EXOSC2: variants seen among roughly 807,000 people sequenced by gnomAD.
EXOSC2 encodes exosome component 2.
Under a neutral mutation model 37.6 loss-of-function variants are expected in EXOSC2, and 29 were observed. The ratio of observed to expected loss-of-function variants is 0.77; its 90% CI spans 0.57 to 1.05. EXOSC2 has a LOEUF of 1.05. Among genes scored for constraint, EXOSC2 ranks in the 50% least tolerant of loss-of-function variants. The pLI is 0.00. For missense variants in EXOSC2, 346 were observed against 365.6 expected, an observed-to-expected ratio of 0.95 and a Z score of 0.44; for synonymous variants, 119 against 131.1, an observed-to-expected ratio of 0.91 and a Z score of 0.63.
At chr9:130,695,903 G>A (rs912367075) in intron 2 of EXOSC2, among the ~76,000 whole-genome samples, 3 of 136,770 alleles carry the variant, frequency 2.2e-5, no homozygotes, top group Admixed American at 8.4e-5. Context: ...CTCTGTTGCC[G>A]AGGCTGGAGT....
chr9:130,700,126 A>G (rs1419317556), intron 5 of EXOSC2, among the ~76,000 whole-genome samples: 2 of 151,882 alleles, frequency 1.3e-5, no homozygotes, highest in East Asian at 1.9e-4. Context: ...CTTGGATTCA[A>G]GCAATTCTGC....
At chr9:130,696,290 G>A (rs781751640) in intron 2 of EXOSC2, among the ~76,000 whole-genome samples, 3 of 152,256 alleles carry the variant, frequency 2.0e-5, no homozygotes, top group Non-Finnish European at 2.9e-5. Flanking sequence ...CAGAGTGAGT[G>A]AGGGGGAGAG....
chr9:130,702,918 T>G, intron 7 of EXOSC2, 135 bp from the exon 8 acceptor site: 1 of 1,047,520 alleles, frequency 9.5e-7, no homozygotes, highest in East Asian at 2.6e-5. Flanking sequence ...TCCCTTGGAA[T>G]TAGCTGTTTG....
chr9:130,695,941 A>G (rs1004726370), intron 2 of EXOSC2, among the ~76,000 whole-genome samples: 4 of 147,940 alleles, frequency 2.7e-5, no homozygotes, highest in East Asian at 2.0e-4. Flanking sequence ...GCTCACTACA[A>G]CCTTCGCCTC....
intron 5 of EXOSC2, among the ~76,000 whole-genome samples, chr9:130,700,362 TTTA>T (rs1283850439): frequency 1.6e-4 from 23 of 148,072 alleles, no homozygotes; most frequent in South Asian, 1.1e-3. Context: ...TATTTATTTA[TTTA>T]TTTATTTTTT....
rs752883972 is a variant in EXOSC2, at chr9:130,697,640, T to A, written c.270+13T>A. The A allele has an allele frequency of 3.0e-5, 48 of 1,613,564 alleles. 1 individual carries two copies. The Admixed American group carries it at 7.8e-4, about 26-fold the overall frequency. ...ACGAATCACAGAGGTAACGTCGATA[T>A]CAGATTGGTGTTTACAAAGTCGAGG... On this transcript the variant is annotated intron_variant, in intron 3 of 8. Transcript: ENST00000372358.
chr9:130,693,773 G>T, upstream of EXOSC2: 1 of 1,596,354 alleles, frequency 6.3e-7, no homozygotes. Context: ...CTGCGCCTGC[G>T]CAACTCATTG....
chr9:130,701,562 G>A, intron 6 of EXOSC2: 1 of 985,654 alleles, frequency 1.0e-6, no homozygotes, highest in Non-Finnish European at 1.2e-6. Context: ...GCTGCAGACA[G>A]CCACGTTGAT....
intron 5 of EXOSC2, 41 bp from the exon 6 acceptor site, chr9:130,700,826 G>C (rs376164395): frequency 6.2e-7 from 1 of 1,602,974 alleles, no homozygotes; most frequent in African/African-American, 1.3e-5. Flanking sequence ...AGGACAGTGT[G>C]TGGCCAAGGC....
At position 130,703,198 on chromosome 9, in the gene EXOSC2, C is replaced by G. The variant is rs901837506; in HGVS notation, c.801+17C>G. ...CCACATCAGGTACTCTCCCCAGGGC[C>G]TCTCCCTTCTTCACTGATCTGTGAG... On this transcript the variant is annotated intron_variant, in intron 8 of 8. Transcript: ENST00000372358. 2 of 1,600,524 alleles carry G rather than the reference C, an allele frequency of 1.2e-6. No individual in the cohort carries two copies. Among genetic ancestry groups the G allele is most frequent in the Non-Finnish European group, 8.5e-7 (1 of 1,170,856 alleles).
intron 1 of EXOSC2, 58 bp from the exon 2 acceptor site, chr9:130,695,434 A>G: frequency 7.0e-7 from 1 of 1,432,928 alleles, no homozygotes; most frequent in South Asian, 1.1e-5. Flanking sequence ...TCTTGAAGGG[A>G]GAGAAGTCAT....
chr9:130,703,250 T>C (rs1471976343), intron 8 of EXOSC2, 69 bp downstream of exon 8: 3 of 1,526,450 alleles, frequency 2.0e-6, no homozygotes, highest in Non-Finnish European at 2.7e-6. Context: ...TCAGAGACAA[T>C]ATGCACATCT....
In EXOSC2 at chr9:130,698,417, C is replaced by T. The variant is rs1588198223; in HGVS notation, c.360+166C>T. 2.0e-5 allele frequency among the ~76,000 whole-genome samples: 3 copies of T among 152,306 alleles called. No homozygotes were observed. On this transcript the variant is annotated intron_variant, in intron 4 of 8. Coordinates refer to ENST00000372358, the MANE Select transcript of EXOSC2 (RefSeq NM_014285.7). The surrounding 1 kb of genome is among the most constrained non-coding windows in gnomAD (Gnocchi z 4.1). ...TAGATGTGTATGTAGACTTTTCACCCTGTCCAGGTCTCCCGAAAGAGGGAG... is the reference window on the plus strand; with the variant it reads ...TAGATGTGTATGTAGACTTTTCACCTTGTCCAGGTCTCCCGAAAGAGGGAG...
intron 2 of EXOSC2, 128 bp from the exon 3 acceptor site, chr9:130,697,454 A>T: frequency 1.2e-6 from 1 of 823,704 alleles, no homozygotes; most frequent in Non-Finnish European, 2.1e-6. Context: ...CAATATAGTT[A>T]CATGAATTTG....
chr9:130,695,879 G>C (rs931820980), intron 2 of EXOSC2, among the ~76,000 whole-genome samples: 2 of 108,274 alleles, frequency 1.8e-5, no homozygotes, highest in Non-Finnish European at 3.4e-5. Context: ...TTTTTTTTCC[G>C]AGATGGAGTC....
chr9:130,703,603 T>C, intron 8 of EXOSC2, 91 bp from the exon 9 acceptor site: 1 of 997,120 alleles, frequency 1.0e-6, no homozygotes, highest in South Asian at 1.6e-5. Context: ...ACAGAAAGTT[T>C]ATGTTAACGG....
At chr9:130,703,340 GAA>G (rs1006274727) in intron 8 of EXOSC2, among the ~76,000 whole-genome samples, 159 bp downstream of exon 8, 2 of 152,194 alleles carry the variant, frequency 1.3e-5, no homozygotes, top group Admixed American at 6.5e-5. Flanking sequence ...CTTTCCCTAA[GAA>G]ACTTGCAATA....
In EXOSC2 at chr9:130,695,668, AT is replaced by A. The variant is rs1023382128; in HGVS notation, c.224+76del. ...ACCAGGCTTTTCCTGCCCCCTCCTT[AT>A]CCCCCACCCCACCCCTGCCTGCCCT... On this transcript the variant is annotated intron_variant, in intron 2 of 8. Coordinates refer to ENST00000372358, the MANE Select transcript of EXOSC2 (RefSeq NM_014285.7). 10 of 1,264,592 alleles carry A rather than the reference AT, an allele frequency of 7.9e-6. No homozygotes were observed. The African/African-American group carries it at 1.5e-4, about 19-fold the overall frequency. 78.3% of individuals were successfully genotyped at this position (1,264,592 alleles called of 1,614,324 possible). A position where few individuals can be genotyped will look rare whatever the true frequency, so the allele number is the denominator to read the frequency against.
rs536513570 is a variant in EXOSC2 at position 130,702,036 on chromosome 9, C to T, written c.496-98C>T. ...CGACAGCAATTATAAACAGGAAGGA[C>T]ACCAATTTGAATATACTTAGGATGT... is the stretch of plus-strand genomic sequence containing the variant. On this transcript the variant is annotated intron_variant, in intron 6 of 8. Coordinates refer to ENST00000372358, the MANE Select transcript of EXOSC2 (RefSeq NM_014285.7). 2.0e-5 allele frequency: 30 copies of T among 1,478,430 alleles called. No individual in the cohort carries two copies. The South Asian group carries it at 3.7e-4, about 18-fold the overall frequency. 91.6% of individuals were successfully genotyped at this position (1,478,430 alleles called of 1,614,324 possible).
Sources: allele counts gnomAD v4.1 joint callset (sites outside exome capture counted in the v4.1 genomes callset), GRCh38; gene constraint gnomAD v4.1.1; non-coding constraint Gnocchi (gnomAD v3.1); transcripts MANE v1.5; gene names NCBI Gene and HGNC (gene_info 2026-07-23, HGNC 2026-07-21).